Variants in GFRA2 observed in about 807,000 individuals in gnomAD.
GFRA2 encodes the protein GDNF family receptor alpha 2, also known as GDNF family receptor alpha-2.
In GFRA2, 17 loss-of-function variants were observed where a neutral mutation model predicts 48.3. The observed-to-expected ratio is 0.35, with a 90% CI of 0.24 to 0.53. GFRA2 has a LOEUF of 0.53. Among genes scored for constraint, GFRA2 ranks in the 20% least tolerant of loss-of-function variants. The probability of loss-of-function intolerance (pLI) is 0.93; values close to 1 mark genes in which losing one functional copy is unlikely to be tolerated. For missense variants in GFRA2, 660 were observed against 637.3 expected (o/e 1.04, Z -0.38); for synonymous variants, 305 against 257.2 (o/e 1.19, Z -1.78).
chr8:21,708,133 G>C (rs1451104885), intron 4 of GFRA2, among the ~76,000 whole-genome samples: 52 of 152,204 alleles, frequency 3.4e-4, no homozygotes. Flanking sequence ...TGGAGCCCTT[G>C]AAGGCCCTTC....
At chr8:21,767,228 AC>A (rs1806212602) in intron 3 of GFRA2, among the ~76,000 whole-genome samples, 7 of 150,128 alleles carry the variant, frequency 4.7e-5, no homozygotes, top group East Asian at 2.0e-4. Flanking sequence ...ACACACACAC[AC>A]ACCACCTCAC....
chr8:21,805,467 C>T (rs775689143), intron 1 of GFRA2, among the ~76,000 whole-genome samples: 14 of 152,120 alleles, frequency 9.2e-5, no homozygotes, highest in Non-Finnish European at 1.8e-4. Context: ...ATGGGATGGC[C>T]CCAGTATATG....
intron 3 of GFRA2, among the ~76,000 whole-genome samples, chr8:21,752,545 C>A (rs1585297656): frequency 6.6e-6 from 1 of 152,100 alleles, no homozygotes; most frequent in African/African-American, 2.4e-5. Flanking sequence ...CATGCACCTG[C>A]TCCCTGGGAC....
chr8:21,709,973 G>A (rs964699010), intron 4 of GFRA2, among the ~76,000 whole-genome samples: 1 of 152,214 alleles, frequency 6.6e-6, no homozygotes, highest in African/African-American at 2.4e-5. Flanking sequence ...GGGCCATAGG[G>A]AGAGAGGCGG....
intron 1 of GFRA2, among the ~76,000 whole-genome samples, chr8:21,810,361 C>T (rs1807955257): frequency 6.6e-6 from 1 of 152,174 alleles, no homozygotes. Flanking sequence ...CTCTGCCCAC[C>T]CCCCTCACTG....
At chr8:21,769,805 C>T (rs1806361281) in intron 3 of GFRA2, among the ~76,000 whole-genome samples, 1 of 152,132 alleles carries the variant, frequency 6.6e-6, no homozygotes, top group East Asian at 1.9e-4. Flanking sequence ...TGGTGGTTAC[C>T]TCTCAGAGGC....
intron 7 of GFRA2, among the ~76,000 whole-genome samples, chr8:21,698,105 A>G (rs989647922): frequency 1.3e-5 from 2 of 152,158 alleles, no homozygotes; most frequent in African/African-American, 2.4e-5. Context: ...CTCCATCCCT[A>G]CCCAGAGCTT....
chr8:21,714,314 T>C (rs1414606382), intron 4 of GFRA2, among the ~76,000 whole-genome samples: 1 of 134,736 alleles, frequency 7.4e-6, no homozygotes, highest in African/African-American at 2.8e-5. Flanking sequence ...AGTGGCACAA[T>C]CTTGGCTCAC....
At chr8:21,766,462 G>T (rs1019250343) in intron 3 of GFRA2, among the ~76,000 whole-genome samples, 1 of 151,898 alleles carries the variant, frequency 6.6e-6, no homozygotes, top group African/African-American at 2.4e-5. Context: ...GGTGCTCAGT[G>T]AGTTATCTGG....
At chr8:21,805,048 A>G (rs1157715720) in exon 2 of GFRA2, 1 of 152,220 alleles carries the variant, frequency 6.6e-6, no homozygotes, top group African/African-American at 2.4e-5. Context: ...ACACAATGCA[A>G]TGTCAACAGC....
intron 2 of GFRA2, among the ~76,000 whole-genome samples, 185 bp from the exon 3 acceptor site, chr8:21,775,240 T>G (rs1384328978): frequency 3.3e-5 from 5 of 152,174 alleles, no homozygotes; most frequent in African/African-American, 1.2e-4. Flanking sequence ...ACGAAATGTT[T>G]AGCATTTCAT....
intron 4 of GFRA2, among the ~76,000 whole-genome samples, chr8:21,742,531 C>T (rs1340024144): frequency 6.6e-6 from 1 of 152,204 alleles, no homozygotes; most frequent in Non-Finnish European, 1.5e-5. Flanking sequence ...TATTCCGTTA[C>T]AGCAGCCTGT....
At chr8:21,793,457 G>A (rs1807613556), upstream of GFRA2, among the ~76,000 whole-genome samples, 1 of 152,162 alleles carries the variant, frequency 6.6e-6, no homozygotes, top group South Asian at 2.1e-4. Flanking sequence ...GAGTCGCCAG[G>A]CCAAGACAAA....
intron 4 of GFRA2, among the ~76,000 whole-genome samples, chr8:21,717,929 A>G (rs56937396): frequency 0.61 from 92,773 of 152,038 alleles, 29,396 homozygotes; most frequent in East Asian, 0.78. Flanking sequence ...ACAGAACCAC[A>G]CCCAGCCATG....
rs1807063687 is a variant in GFRA2, at chr8:21,782,588, C to T, written c.352G>A (p.Glu118Lys). 3 of 1,569,256 alleles carry T rather than the reference C, an allele frequency of 1.9e-6. No homozygotes were observed. Among genetic ancestry groups the T allele is most frequent in the East Asian group, 2.4e-5 (1 of 42,250 alleles). Reference protein sequence around the residue: ...IYWSIHLGLTEGEEFYEASPY... With the variant: ...IYWSIHLGLTKGEEFYEASPY... Reference sequence around the variant, plus strand: ...GGCAAGCCCCGCCCAGGCTTACCCTCGGTCAGCCCCAGGTGGATGCTCCAG... The same window carrying T: ...GGCAAGCCCCGCCCAGGCTTACCCTTGGTCAGCCCCAGGTGGATGCTCCAG... Residue 118 changes from glutamate (E) to lysine (K), a missense_variant, in exon 2 of 9, where the codon GAG becomes AAG. Transcript: ENST00000524240.
At chr8:21,793,230 T>C (rs1807608107), upstream of GFRA2, among the ~76,000 whole-genome samples, 1 of 152,156 alleles carries the variant, frequency 6.6e-6, no homozygotes, top group South Asian at 2.1e-4. Flanking sequence ...CTGAAGGTTT[T>C]TGAGCAGGCA....
At chr8:21,707,766 T>C (rs969293429) in intron 4 of GFRA2, among the ~76,000 whole-genome samples, 2 of 152,228 alleles carry the variant, frequency 1.3e-5, no homozygotes, top group Admixed American at 1.3e-4. Context: ...ATTAAAAAGT[T>C]CTGGAGATGG....
chr8:21,806,743 A>T lies in GFRA2; in HGVS notation c.-147-1615T>A, dbSNP rs528035052. On this transcript the variant is annotated intron_variant, in intron 1 of 10. Transcript: ENST00000517328. ...CTGCCTCCCAAAGCACTGGGATTAC[A>T]GGTACAAGCCACCATTCCTGGCCTA... Among the ~76,000 whole-genome samples, 9 of 152,348 alleles carry T rather than the reference A, an allele frequency of 5.9e-5. No homozygotes were observed. In the South Asian group the frequency reaches 1.9e-3, roughly 32 times the overall value.
chr8:21,767,230 AC>A (rs1372646566), intron 3 of GFRA2, among the ~76,000 whole-genome samples: 4 of 148,320 alleles, frequency 2.7e-5, no homozygotes, highest in African/African-American at 1.0e-4. Flanking sequence ...ACACACACAC[AC>A]CACCTCACAC....
Sources: allele counts gnomAD v4.1 joint callset (sites outside exome capture counted in the v4.1 genomes callset), GRCh38; gene constraint gnomAD v4.1.1; transcripts MANE v1.5; gene names NCBI Gene and HGNC (gene_info 2026-07-23, HGNC 2026-07-21).